Variants in PRKDC observed in about 807,000 individuals in gnomAD.
PRKDC encodes the protein DNA-dependent protein kinase catalytic subunit.
PRKDC carries 82 observed loss-of-function variants against 486.9 expected under a neutral mutation model. The observed-to-expected ratio is 0.17, with a 90% CI of 0.14 to 0.20. PRKDC has a LOEUF of 0.20. Among genes scored for constraint, PRKDC ranks in the 10% least tolerant of loss-of-function variants. PRKDC has a pLI of 1.00. For missense variants in PRKDC, 4,504 were observed against 5,038.2 expected (o/e 0.89, Z 3.21); for synonymous variants, 1,895 against 1,837.0 (o/e 1.03, Z -0.81).
In PRKDC at chr8:47,849,401, T is replaced by A. The variant is rs774264545; in HGVS notation, c.7108A>T (p.Ser2370Cys). 8.7e-6 allele frequency: 14 copies of A among 1,613,928 alleles called. No individual in the cohort carries two copies. In the African/African-American group the frequency reaches 1.9e-4, roughly 22 times the overall value. ...FIVCLNKVTK[S>C]FPPLADRFMN... ...TACCTGTCTGCAAGAGGAGGGAAGCTCTTGGTCACTTTGTTCAAGCACACA... is the reference window on the plus strand; with the variant it reads ...TACCTGTCTGCAAGAGGAGGGAAGCACTTGGTCACTTTGTTCAAGCACACA... Residue 2370 changes from serine (S) to cysteine (C), a missense_variant, in exon 53 of 86, where the codon AGC becomes TGC. By Grantham distance (112) the Ser-to-Cys change is moderately radical. Around this residue, in one of 6 missense-constraint regions of PRKDC, gnomAD observed 1,592 missense variants for 1,724.6 expected, o/e 0.92. Coordinates refer to ENST00000314191, the MANE Select transcript of PRKDC (RefSeq NM_006904.7).
chr8:47,833,585 G>A (rs58238788), intron 59 of PRKDC, among the ~76,000 whole-genome samples: 2,925 of 152,064 alleles, frequency 0.019, 79 homozygotes, highest in African/African-American at 0.067. Flanking sequence ...TTCAGTCCCC[G>A]TGCCTTCCTC....
At chr8:47,851,206 T>G (rs1192462258) in intron 52 of PRKDC, among the ~76,000 whole-genome samples, 2 of 152,220 alleles carry the variant, frequency 1.3e-5, no homozygotes, top group African/African-American at 4.8e-5. Context: ...AACAGAAGTG[T>G]TTTTTATTCT....
chr8:47,862,029 T>C lies in PRKDC; in HGVS notation c.5985+33A>G, dbSNP rs8178127. ...TATGGTTTTCTTTGTGAGCACTTGA[T>C]AAGTTTTTTTTAACATTGAAAATTT... On this transcript the variant is annotated intron_variant, in intron 44 of 85. Coordinates refer to ENST00000314191, the MANE Select transcript of PRKDC (RefSeq NM_006904.7). 717 of 1,501,920 alleles carry C rather than the reference T, an allele frequency of 4.8e-4. 4 individuals carry two copies. The African/African-American group carries it at 9.4e-3, about 20-fold the overall frequency. 93.0% of individuals were successfully genotyped at this position (1,501,920 alleles called of 1,614,324 possible).
intron 73 of PRKDC, 66 bp from the exon 74 acceptor site, chr8:47,794,567 A>C: frequency 1.5e-6 from 2 of 1,318,004 alleles, no homozygotes; most frequent in South Asian, 2.9e-5. Context: ...TAAAAGTAAC[A>C]TATGTCCAAA....
chr8:47,925,067 C>G (rs2090135794), intron 21 of PRKDC, among the ~76,000 whole-genome samples: 1 of 152,208 alleles, frequency 6.6e-6, no homozygotes, highest in Non-Finnish European at 1.5e-5. Context: ...TGCCAGGCCA[C>G]CCCATGGGGG....
intron 52 of PRKDC, 103 bp downstream of exon 52, chr8:47,852,570 T>G: frequency 4.7e-6 from 3 of 633,312 alleles, no homozygotes; most frequent in Non-Finnish European, 7.5e-6. Context: ...GATGCCCATT[T>G]TGTTTCTAAT....
chr8:47,889,060 T>C lies in PRKDC; in HGVS notation c.4234A>G (p.Lys1412Glu), dbSNP rs768938353. 1.2e-5 allele frequency: 20 copies of C among 1,613,894 alleles called. No homozygotes were observed. In the African/African-American group the frequency reaches 1.6e-4, roughly 13 times the overall value. The change falls in exon 33 of 86, where the codon AAA (lysine) becomes GAA (glutamate). Residue 1412 changes from lysine (K) to glutamate (E), a missense_variant. Transcript: ENST00000314191. ...CTCAGATGGGTCTCTAGGATATCTT[T>C]GTATGGGGACATCTTTAGAGCTTTC... ...LMKALKMSPYKDILETHLREK... is the reference protein window; with the variant it reads ...LMKALKMSPYEDILETHLREK...
At chr8:47,875,259 T>G (rs1022403362) in intron 40 of PRKDC, among the ~76,000 whole-genome samples, 1 of 152,248 alleles carries the variant, frequency 6.6e-6, no homozygotes, top group African/African-American at 2.4e-5. Flanking sequence ...TAATATTCGC[T>G]TATAATCTTC....
intron 38 of PRKDC, 55 bp downstream of exon 38, chr8:47,881,361 A>C (rs1363871072): frequency 9.3e-7 from 1 of 1,077,178 alleles, no homozygotes; most frequent in Non-Finnish European, 1.4e-6. Flanking sequence ...CACAAATAAA[A>C]AATACGAAAA....
At chr8:47,959,578 C>T (rs1226509381) in intron 1 of PRKDC, among the ~76,000 whole-genome samples, 1 of 151,748 alleles carries the variant, frequency 6.6e-6, no homozygotes, top group African/African-American at 2.4e-5. Context: ...ACTCGGGGGG[C>T]TGAGGCAGGA....
chr8:47,881,526 G>A lies in PRKDC; in HGVS notation c.4963-6C>T. ...AAAGATACAGATGAATCAATCTAAA[G>A]GAAGGAAAAGAAAAACAGGACACAT... On this transcript the variant is annotated splice_polypyrimidine_tract_variant and splice_region_variant and intron_variant, in intron 37 of 85. Transcript: ENST00000314191. 7.1e-7 allele frequency: 1 copy of A among 1,409,256 alleles called. No homozygotes were observed. Among genetic ancestry groups the A allele is most frequent in the Admixed American group, 2.2e-5 (1 of 45,566 alleles). The allele number at this position is 1,409,256 out of a possible 1,614,324, so 87.3% of individuals were successfully genotyped here.
rs200560953 is a variant in PRKDC at position 47,914,053 on chromosome 8, C to G, written c.2629G>C (p.Asp877His). The change falls in exon 24 of 86, where the codon GAT becomes CAT. Residue 877 changes from aspartate to histidine, a missense_variant. Asp to His is a moderately conservative substitution (Grantham distance 81). Coordinates refer to ENST00000314191, the MANE Select transcript of PRKDC (RefSeq NM_006904.7). ...NKNLLTVTSS[D>H]EMMKSYVAWD... ...GCCACATAGCTCTTCATCATCTCATCTGAGGACGTGACTGTTAGAAAAGAT... is the reference window on the plus strand; with the variant it reads ...GCCACATAGCTCTTCATCATCTCATGTGAGGACGTGACTGTTAGAAAAGAT... The G allele has an allele frequency of 5.3e-5, 81 of 1,521,864 alleles. No individual in the cohort carries two copies. In the African/African-American group the frequency reaches 9.6e-4, roughly 18 times the overall value. The allele number at this position is 1,521,864 out of a possible 1,614,324, so 94.3% of individuals were successfully genotyped here. A position where few individuals can be genotyped will look rare whatever the true frequency, so the allele number is the denominator to read the frequency against.
intron 27 of PRKDC, 70 bp from the exon 28 acceptor site, chr8:47,900,537 A>C: frequency 7.2e-7 from 1 of 1,380,614 alleles, no homozygotes; most frequent in Non-Finnish European, 1.0e-6. Flanking sequence ...AAAAGAAGGA[A>C]TGGAATTAAA....
chr8:47,886,022 C>A lies in PRKDC; in HGVS notation c.4698G>T (p.Thr1566=). The change falls in exon 36 of 86, where the codon ACG becomes ACT. Residue 1566 remains threonine, a synonymous_variant. Coordinates refer to ENST00000314191, the MANE Select transcript of PRKDC (RefSeq NM_006904.7). The part of the protein sequence containing the change: ...GEYFYSLFSE[T]INTELLKNLD... ...GATTTTTCAATAATTCCGTGTTGAT[C>A]GTTTCTGAGAACAAGCTATAGAAAT... The A allele has an allele frequency of 1.2e-6, 2 of 1,613,822 alleles. No individual in the cohort carries two copies. Among genetic ancestry groups the A allele is most frequent in the South Asian group, 1.1e-5 (1 of 91,080 alleles).
At chr8:47,775,197 A>T (rs2086583859) in intron 85 of PRKDC, among the ~76,000 whole-genome samples, 1 of 151,072 alleles carries the variant, frequency 6.6e-6, no homozygotes, top group African/African-American at 2.4e-5. Flanking sequence ...AAAAATAAAT[A>T]AATAAATAAA....
chr8:47,943,560 T>A (rs150547554), intron 9 of PRKDC, among the ~76,000 whole-genome samples, 194 bp from the exon 10 acceptor site: 5 of 152,022 alleles, frequency 3.3e-5, no homozygotes, highest in Middle Eastern at 3.4e-3. Flanking sequence ...GGCTGACAAA[T>A]CCCAAAACAA....
chr8:47,853,964 G>T, intron 51 of PRKDC, 119 bp downstream of exon 51: 1 of 1,328,620 alleles, frequency 7.5e-7, no homozygotes, highest in Non-Finnish European at 1.0e-6. Flanking sequence ...ACCGTGCCTG[G>T]CCCAGAAACA....
chr8:47,945,384 G>C (rs1280939707), intron 7 of PRKDC, among the ~76,000 whole-genome samples: 1 of 152,092 alleles, frequency 6.6e-6, no homozygotes, highest in Non-Finnish European at 1.5e-5. Flanking sequence ...AATAACAGAA[G>C]GGTGCCCATC....
Position 47,820,844 on chromosome 8 carries a change from C to G in PRKDC, c.9211G>C (p.Gly3071Arg), listed in dbSNP as rs376953418. The change falls in exon 66 of 86, where the codon GGG (glycine) becomes CGG (arginine). Residue 3071 changes from glycine to arginine, a missense_variant. Around this residue, in one of 6 missense-constraint regions of PRKDC, gnomAD observed 1,592 missense variants for 1,724.6 expected, o/e 0.92. Transcript: ENST00000314191. ...LLTFIDKAMH[G>R]ELQKAILELH... ...TCTAGAATCGCCTTCTGGAGCTCCC[C>G]GTGCATAGCTTTGTCAATAAATGTC... is the stretch of plus-strand genomic sequence containing the variant. 5.3e-5 allele frequency: 86 copies of G among 1,613,076 alleles called. No homozygotes were observed. The highest frequency in any genetic ancestry group is 6.8e-5 in the Non-Finnish European group (80 of 1,179,410).
Sources: gnomAD v4.1 joint callset for allele counts (sites outside exome capture counted in the v4.1 genomes callset) on GRCh38, gnomAD v4.1.1 for gene constraint, gnomAD v4.1.1 regional missense constraint, MANE v1.5 for transcripts, NCBI Gene and HGNC (gene_info 2026-07-23, HGNC 2026-07-21) for gene names.